The following CTNNA3 variants were observed in gnomAD, a reference collection of about 807,000 sequenced individuals.
CTNNA3 encodes catenin alpha 3.
CTNNA3 carries 76 observed loss-of-function variants against 95.7 expected under a neutral mutation model. The observed-to-expected ratio is 0.79, with a 90% CI of 0.66 to 0.96. The LOEUF is 0.96. CTNNA3 is among the 40% of genes least tolerant of loss of function. The pLI is 0.00. For missense variants in CTNNA3, 1,191 were observed against 1,089.8 expected, an observed-to-expected ratio of 1.09 and a Z score of -1.31; for synonymous variants, 431 against 374.4, an observed-to-expected ratio of 1.15 and a Z score of -1.74.
At chr10:67,125,706 A>G (rs1859691250) in intron 7 of CTNNA3, among the ~76,000 whole-genome samples, 1 of 152,354 alleles carries the variant, frequency 6.6e-6, no homozygotes, top group African/African-American at 2.4e-5. Flanking sequence ...AGAAGAAAGC[A>G]ATAATGCCAA....
chr10:65,976,586 T>G (rs2078210598), intron 16 of CTNNA3, among the ~76,000 whole-genome samples: 1 of 152,166 alleles, frequency 6.6e-6, no homozygotes, highest in Admixed American at 6.5e-5. Context: ...CAGTCAGTTT[T>G]ATAACCAAAG....
rs183047483 is a variant in CTNNA3 at position 66,715,317 on chromosome 10, C to A, written c.1281+50947G>T. On this transcript the variant is annotated intron_variant, in intron 9 of 17. Coordinates refer to ENST00000433211, the MANE Select transcript of CTNNA3 (RefSeq NM_013266.4). ...GCTTATCCCACCTCACATCCTCCCA[C>A]CCCTAGTTCACAAGTTAAAGATTGT... 3.9e-5 allele frequency among the ~76,000 whole-genome samples: 6 copies of A among 152,156 alleles called. No homozygotes were observed. In the East Asian group the frequency reaches 1.2e-3, roughly 29 times the overall value.
At chr10:65,951,767 C>T (rs1471991595) in intron 17 of CTNNA3, among the ~76,000 whole-genome samples, 3 of 152,060 alleles carry the variant, frequency 2.0e-5, no homozygotes, top group African/African-American at 7.2e-5. Context: ...CGGTGGCTTA[C>T]GCCTGTAATC....
intron 1 of CTNNA3, among the ~76,000 whole-genome samples, chr10:67,744,421 A>C (rs1347603534): frequency 6.6e-6 from 1 of 151,342 alleles, no homozygotes; most frequent in Non-Finnish European, 1.5e-5. Context: ...CCTATTTAAT[A>C]AATGGTGCTG....
intron 9 of CTNNA3, among the ~76,000 whole-genome samples, chr10:66,656,442 T>C (rs1403798019): frequency 2.6e-5 from 4 of 152,152 alleles, no homozygotes; most frequent in South Asian, 2.1e-4. Flanking sequence ...ACAGGTGAAG[T>C]AGAAGGAGCA....
At chr10:66,913,238 C>CAAAAAAAAAAAA in intron 7 of CTNNA3, among the ~76,000 whole-genome samples, 87 of 33,514 alleles carry the variant, frequency 2.6e-3, no homozygotes, top group Non-Finnish European at 3.0e-3. Context: ...GACTCCGTCT[C>CAAAAAAAAAAAA]AAAAAAAAAA....
At chr10:66,152,998 C>T (rs566160573) in intron 13 of CTNNA3, among the ~76,000 whole-genome samples, 62 of 151,990 alleles carry the variant, frequency 4.1e-4, no homozygotes, top group African/African-American at 1.5e-3. Flanking sequence ...TCATAGACAA[C>T]TTGGGCTCTG....
intron 13 of CTNNA3, among the ~76,000 whole-genome samples, chr10:66,268,703 A>G (rs2091211672): frequency 6.6e-6 from 1 of 152,214 alleles, no homozygotes; most frequent in African/African-American, 2.4e-5. Context: ...GCACAGAGGA[A>G]GAGGGCATTC....
chr10:67,074,182 G>A (rs1204100247), intron 7 of CTNNA3, among the ~76,000 whole-genome samples: 8 of 150,632 alleles, frequency 5.3e-5, no homozygotes, highest in African/African-American at 9.8e-5. Context: ...ATAGGCACGT[G>A]CCACCATGAC....
intron 10 of CTNNA3, among the ~76,000 whole-genome samples, chr10:66,532,266 T>C (rs1361484893): frequency 1.3e-5 from 2 of 151,890 alleles, no homozygotes; most frequent in Non-Finnish European, 2.9e-5. Context: ...ATCGAGACCA[T>C]CCTGGCTAAC....
At chr10:66,602,568 C>A (rs1055565684) in intron 10 of CTNNA3, among the ~76,000 whole-genome samples, 11 of 151,948 alleles carry the variant, frequency 7.2e-5, no homozygotes, top group African/African-American at 4.8e-5. Context: ...AAGCCTACTG[C>A]ACTATGTAGA....
Position 67,558,657 on chromosome 10 carries a change from A to C in CTNNA3, c.293-18988T>G, listed in dbSNP as rs562891540. Among the ~76,000 whole-genome samples the C allele has an allele frequency of 1.4e-4, 22 of 152,344 alleles. No individual in the cohort carries two copies. The South Asian group carries it at 1.4e-3, about 10-fold the overall frequency. On this transcript the variant is annotated intron_variant, in intron 3 of 17. Transcript: ENST00000433211. ...GGGCACAGGACAGTGGGTGCAGTGC[A>C]CTGTGCGCGAGCCAAAGCAGGGCAA...
chr10:66,853,294 G>A (rs958858226), intron 7 of CTNNA3, among the ~76,000 whole-genome samples: 1 of 151,970 alleles, frequency 6.6e-6, no homozygotes, highest in African/African-American at 2.4e-5. Flanking sequence ...CGGCCCGTTA[G>A]AGAAAAAGAA....
intron 5 of CTNNA3, among the ~76,000 whole-genome samples, chr10:67,419,205 C>G (rs995826693): frequency 4.0e-5 from 6 of 151,798 alleles, no homozygotes; most frequent in African/African-American, 1.5e-4. Context: ...CTGAGAAACA[C>G]TTAAAAAACA....
At chr10:66,830,905 G>A (rs962866516) in intron 7 of CTNNA3, among the ~76,000 whole-genome samples, 5 of 152,006 alleles carry the variant, frequency 3.3e-5, no homozygotes, top group Non-Finnish European at 7.4e-5. Context: ...CACCGCGCCT[G>A]GCCTACTAAT....
chr10:67,691,082 C>T (rs141601142), intron 1 of CTNNA3, among the ~76,000 whole-genome samples: 4,906 of 152,308 alleles, frequency 0.032, 117 homozygotes, highest in Middle Eastern at 0.061. Context: ...TTGGTGGAGA[C>T]GGGGTTTCAC....
intron 5 of CTNNA3, among the ~76,000 whole-genome samples, chr10:67,280,722 T>C (rs1047553276): frequency 6.6e-6 from 1 of 152,086 alleles, no homozygotes; most frequent in Non-Finnish European, 1.5e-5. Flanking sequence ...CAGGTTCCCT[T>C]ATCTGCCTCC....
chr10:67,275,397 T>C (rs1481498716), intron 5 of CTNNA3, among the ~76,000 whole-genome samples: 4 of 152,116 alleles, frequency 2.6e-5, no homozygotes, highest in Non-Finnish European at 2.9e-5. Context: ...GTAAATTAGA[T>C]AATAGATGAG....
At chr10:66,825,485 C>T (rs1842475037) in intron 7 of CTNNA3, among the ~76,000 whole-genome samples, 1 of 151,682 alleles carries the variant, frequency 6.6e-6, no homozygotes, top group South Asian at 2.1e-4. Flanking sequence ...TTTATGTTGG[C>T]CAGGCTGGTC....
Sources: allele counts gnomAD v4.1 joint callset (sites outside exome capture counted in the v4.1 genomes callset), GRCh38; gene constraint gnomAD v4.1.1; transcripts MANE v1.5; gene names NCBI Gene and HGNC (gene_info 2026-07-23, HGNC 2026-07-21).